Variants in CTDP1 observed in about 807,000 individuals in gnomAD.
CTDP1 encodes the protein CTD phosphatase 1.
CTDP1 carries 47 observed loss-of-function variants against 91.8 expected under a neutral mutation model. That is an observed-to-expected ratio of 0.51 (90% CI 0.41 to 0.65). The LOEUF (loss-of-function observed/expected upper bound fraction) is 0.65, where lower values mean the gene tolerates loss of function less well. Among genes scored for constraint, CTDP1 ranks in the 30% least tolerant of loss-of-function variants. The pLI is 0.00. For synonymous variants in CTDP1, 656 were observed against 598.5 expected (o/e 1.10, Z -1.40); for missense variants, 1,272 against 1,373.7 (o/e 0.93, Z 1.17).
chr18:79,686,483 G>A (rs1037168119), intron 1 of CTDP1, among the ~76,000 whole-genome samples: 11 of 152,222 alleles, frequency 7.2e-5, no homozygotes, highest in Non-Finnish European at 1.2e-4. Context: ...AAGGATAAAT[G>A]CACATTTTAA....
rs202046588 is a variant in CTDP1 at position 79,714,724 on chromosome 18, G to T, written c.1264G>T (p.Ala422Ser). ...CACCAGCAGCCAAGAGCTGGCAGGCGCTCCTGAGCCCCAGGGATCCTGTGC... is the reference window on the plus strand; with the variant it reads ...CACCAGCAGCCAAGAGCTGGCAGGCTCTCCTGAGCCCCAGGGATCCTGTGC... ...APTSSQELAG[A>S]PEPQGSCAQG... The change falls in exon 8 of 13, where the codon GCT (alanine) becomes TCT (serine). Residue 422 changes from alanine to serine, a missense_variant. Physicochemically the swap from Ala to Ser is moderately conservative, Grantham distance 99. Transcript: ENST00000613122. 50 of 1,603,626 alleles carry T rather than the reference G, an allele frequency of 3.1e-5. No homozygotes were observed. The highest frequency in any genetic ancestry group is 1.4e-4 in the Admixed American group (8 of 58,324).
intron 5 of CTDP1, among the ~76,000 whole-genome samples, chr18:79,708,297 A>G (rs2086008922): frequency 6.6e-6 from 1 of 152,194 alleles, no homozygotes; most frequent in Admixed American, 6.5e-5. Context: ...TGTAATGTGT[A>G]TGTTTTAACC....
intron 10 of CTDP1, among the ~76,000 whole-genome samples, chr18:79,722,024 A>C (rs143249424): frequency 6.6e-6 from 1 of 152,278 alleles, no homozygotes; most frequent in African/African-American, 2.4e-5. Flanking sequence ...GGGTTTCATC[A>C]TGTTGCTGAG....
At chr18:79,680,406 C>G (rs1023131704) in intron 1 of CTDP1, 145 bp downstream of exon 1, 5 of 609,954 alleles carry the variant, frequency 8.2e-6, no homozygotes, top group Non-Finnish European at 1.2e-5. Context: ...GCGCTTCTCC[C>G]CTAAAACTGG....
intron 1 of CTDP1, 53 bp downstream of exon 1, chr18:79,680,314 C>G: frequency 1.6e-6 from 2 of 1,223,128 alleles, no homozygotes; most frequent in Non-Finnish European, 2.0e-6. Context: ...GGGGAGGGAT[C>G]CTGGAGGACC....
At chr18:79,687,171 C>A (rs58891406) in intron 1 of CTDP1, among the ~76,000 whole-genome samples, 3 of 58,026 alleles carry the variant, frequency 5.2e-5, no homozygotes, top group Admixed American at 1.8e-4. Context: ...CAGTTGGCTT[C>A]GTCAGTTCAC....
At chr18:79,706,604 T>C (rs1165119082) in intron 5 of CTDP1, among the ~76,000 whole-genome samples, 1 of 152,262 alleles carries the variant, frequency 6.6e-6, no homozygotes, top group Non-Finnish European at 1.5e-5. Context: ...TTAATATATG[T>C]ACAAGTTTAC....
chr18:79,700,388 C>G (rs1176058181), intron 4 of CTDP1, among the ~76,000 whole-genome samples: 1 of 152,224 alleles, frequency 6.6e-6, no homozygotes, highest in East Asian at 1.9e-4. Flanking sequence ...AGTGAACACA[C>G]AGATGATGAG....
At chr18:79,696,989 A>G (rs925078622) in intron 3 of CTDP1, among the ~76,000 whole-genome samples, 1 of 152,248 alleles carries the variant, frequency 6.6e-6, no homozygotes, top group African/African-American at 2.4e-5. Flanking sequence ...TCGTGCTTTT[A>G]AATGATGGAC....
chr18:79,698,396 G>A (rs1413600563), intron 4 of CTDP1, among the ~76,000 whole-genome samples: 5 of 152,184 alleles, frequency 3.3e-5, no homozygotes, highest in African/African-American at 1.2e-4. Context: ...AGGGCAGGTG[G>A]ACGCCTGGGT....
chr18:79,679,083 CCA>C (rs2085295405), upstream of CTDP1: 1 of 288,286 alleles, frequency 3.5e-6, no homozygotes. Context: ...TCGCCTGGGG[CCA>C]CTGAGACCAC....
In CTDP1 at chr18:79,694,394, T is replaced by C. The variant is rs9948219; in HGVS notation, c.315-831T>C. 4.5e-4 allele frequency among the ~76,000 whole-genome samples: 47 copies of C among 104,478 alleles called. 4 individuals carry two copies. The highest frequency in any genetic ancestry group is 1.4e-3 in the African/African-American group (44 of 31,628). The allele number at this position is 104,478 out of a possible 152,430, so 68.5% of individuals were successfully genotyped here. Reference sequence around the variant, plus strand: ...GGACACTGAGTGCCGGGCAGCCTCGTGTCCGCGGGGCGCGGTGGTCGGAGC... The same window carrying C: ...GGACACTGAGTGCCGGGCAGCCTCGCGTCCGCGGGGCGCGGTGGTCGGAGC... On this transcript the variant is annotated intron_variant, in intron 1 of 12. Coordinates refer to ENST00000613122, the MANE Select transcript of CTDP1 (RefSeq NM_004715.5).
In CTDP1 at chr18:79,714,842, G is replaced by A. The variant is rs1324485319; in HGVS notation, c.1382G>A (p.Ser461Asn). 1.3e-6 allele frequency: 2 copies of A among 1,596,248 alleles called. No individual in the cohort carries two copies. Among genetic ancestry groups the A allele is most frequent in the Non-Finnish European group, 1.7e-6 (2 of 1,172,480 alleles). Reference sequence around the variant, plus strand: ...GACTTATCCAGCGACAGCGAGAGCAGCAGTGAGTCCGAGGGCACGAAGTCC... The same window carrying A: ...GACTTATCCAGCGACAGCGAGAGCAACAGTGAGTCCGAGGGCACGAAGTCC... ...DFDLSSDSES[S>N]SESEGTKSSS... The change falls in exon 8 of 13, where the codon AGC becomes AAC. Residue 461 changes from serine (S) to asparagine (N), a missense_variant. Physicochemically the swap from Ser to Asn is conservative, Grantham distance 46. This residue lies in a region of CTDP1 where 881 missense variants were observed against 911.6 expected (regional missense o/e 0.97). Transcript: ENST00000613122.
At chr18:79,678,717 T>C (rs2085288026), upstream of CTDP1, 2 of 151,902 alleles carry the variant, frequency 1.3e-5, no homozygotes, top group Admixed American at 6.5e-5. Context: ...AGGACAAAGA[T>C]ACATAGTAAA....
At chr18:79,749,501 C>CGCCACGCACTCCCAAG (rs142577028) in intron 12 of CTDP1, among the ~76,000 whole-genome samples, 1 of 150,172 alleles carries the variant, frequency 6.7e-6, no homozygotes, top group African/African-American at 2.5e-5. Flanking sequence ...GTGAGGGTCG[C>CGCCACGCACTCCCAAG]GCCCCGTGCA....
At chr18:79,679,286 G>A (rs568362439), upstream of CTDP1, 27 of 385,212 alleles carry the variant, frequency 7.0e-5, no homozygotes, top group East Asian at 1.9e-3. Flanking sequence ...CGTGGGGTCC[G>A]GGGGGGGACA....
chr18:79,677,999 C>T (rs942168437), upstream of CTDP1: 3 of 152,162 alleles, frequency 2.0e-5, no homozygotes, highest in South Asian at 2.1e-4. Flanking sequence ...GAGCACCGCA[C>T]GTTTTCCCTT....
intron 12 of CTDP1, among the ~76,000 whole-genome samples, chr18:79,750,459 G>A (rs185082936): frequency 5.3e-5 from 8 of 151,782 alleles, no homozygotes; most frequent in Non-Finnish European, 7.4e-5. Context: ...AAACTTGGAC[G>A]GCAGGTATTA....
intron 12 of CTDP1, among the ~76,000 whole-genome samples, chr18:79,737,258 G>A (rs1408643659): frequency 1.3e-5 from 2 of 152,214 alleles, no homozygotes; most frequent in Admixed American, 6.5e-5. Flanking sequence ...CTTTAACTTG[G>A]ATGACATTTC....
Sources: gnomAD v4.1 joint callset for allele counts (sites outside exome capture counted in the v4.1 genomes callset) on GRCh38, gnomAD v4.1.1 for gene constraint, gnomAD v4.1.1 regional missense constraint, MANE v1.5 for transcripts, NCBI Gene and HGNC (gene_info 2026-07-23, HGNC 2026-07-21) for gene names.